The following PCDHGB3 variants were observed in gnomAD, a reference collection of about 807,000 sequenced individuals.
PCDHGB3 encodes the protein protocadherin gamma-B3.
In PCDHGB3, 40 loss-of-function variants were observed where a neutral mutation model predicts 59.2. The ratio of observed to expected loss-of-function variants is 0.68; its 90% confidence interval spans 0.52 to 0.88. The LOEUF is 0.88. PCDHGB3 is among the 40% of genes least tolerant of loss of function. The pLI is 0.00. For missense variants in PCDHGB3, 1,309 were observed against 1,187.9 expected (o/e 1.10, Z -1.50); for synonymous variants, 581 against 503.6 (o/e 1.15, Z -2.06).
intron 1 of PCDHGB3, among the ~76,000 whole-genome samples, chr5:141,397,623 T>A (rs2093546552): frequency 6.6e-6 from 1 of 152,242 alleles, no homozygotes; most frequent in South Asian, 2.1e-4. Context: ...TACTTAGTTC[T>A]AGCTAAGAGT....
chr5:141,494,197 C>T (rs73794924), intron 1 of PCDHGB3, among the ~76,000 whole-genome samples: 1,654 of 152,242 alleles, frequency 0.011, 27 homozygotes, highest in African/African-American at 0.037. Flanking sequence ...CTTGGATGCC[C>T]CGCAAAGGCC....
intron 1 of PCDHGB3, chr5:141,478,323 G>T (rs1234175290): frequency 1.2e-6 from 2 of 1,613,958 alleles, no homozygotes; most frequent in African/African-American, 2.7e-5. Context: ...TCACTGTACC[G>T]AACACCAGGG....
intron 1 of PCDHGB3, chr5:141,393,144 G>T (rs745405842): frequency 1.2e-6 from 2 of 1,613,316 alleles, no homozygotes; most frequent in Non-Finnish European, 1.7e-6. Flanking sequence ...CACCCTGGTT[G>T]AGGATAAAGG....
intron 1 of PCDHGB3, chr5:141,385,365 G>C: frequency 6.5e-7 from 1 of 1,539,374 alleles, no homozygotes; most frequent in Non-Finnish European, 8.7e-7. Flanking sequence ...GAATTTATTT[G>C]CATGATATTT....
intron 1 of PCDHGB3, chr5:141,389,757 C>A: frequency 6.2e-7 from 1 of 1,612,818 alleles, no homozygotes; most frequent in East Asian, 2.2e-5. Context: ...GGGCGAAGTG[C>A]GCACAGCGCG....
intron 1 of PCDHGB3, chr5:141,478,600 C>T (rs762531135): frequency 6.4e-7 from 1 of 1,565,134 alleles, no homozygotes. Context: ...ATTCCTACAT[C>T]ATATTGAGGA....
Position 141,422,468 on chromosome 5 carries a change from A to T in PCDHGB3, c.2415+49659A>T, listed in dbSNP as rs555211298. On this transcript the variant is annotated intron_variant, in intron 1 of 3. Transcript: ENST00000576222. ...ATAACAAGCAGAGTGCTGGACAGGG[A>T]GTTGGTCCAGAGCTACAATATAACG... 59 of 1,613,640 alleles carry T rather than the reference A, an allele frequency of 3.7e-5. No homozygotes were observed. In the South Asian group the frequency reaches 4.7e-4, roughly 13 times the overall value.
chr5:141,476,018 A>G lies in PCDHGB3; in HGVS notation c.2416-18789A>G. 7.3e-7 allele frequency: 1 copy of G among 1,371,412 alleles called. No homozygotes were observed. Among genetic ancestry groups the G allele is most frequent in the African/African-American group, 1.4e-5 (1 of 69,226 alleles). The allele number at this position is 1,371,412 out of a possible 1,614,324, so 85.0% of individuals were successfully genotyped here. A position where few individuals can be genotyped will look rare whatever the true frequency, so the allele number is the denominator to read the frequency against. The stretch of plus-strand genomic sequence containing the variant: ...AACGGCATCCAGAAAGCCATGTCGG[A>G]CTCGGCGCCCAGCGCCCAAGCGCTA... On this transcript the variant is annotated intron_variant, in intron 1 of 3. Coordinates refer to ENST00000576222, the MANE Select transcript of PCDHGB3 (RefSeq NM_018924.5). This position sits in a 1 kb window ranked among gnomAD's most constrained non-coding sequence, Gnocchi z 7.6.
chr5:141,419,999 C>T (rs369649545), intron 1 of PCDHGB3: 4 of 1,613,960 alleles, frequency 2.5e-6, no homozygotes, highest in Non-Finnish European at 3.4e-6. Flanking sequence ...TATTGCTCTA[C>T]GCCTGCGACA....
chr5:141,399,078 G>C (rs2093750242), intron 1 of PCDHGB3: 1 of 1,613,746 alleles, frequency 6.2e-7, no homozygotes, highest in African/African-American at 1.3e-5. Context: ...TTGTAGAAGG[G>C]AGGGATGGTG....
At position 141,423,756 on chromosome 5, in the gene PCDHGB3, G is replaced by GGA. The variant is rs1554116833; in HGVS notation, c.2415+50948_2415+50949insAG. 3 of 448,454 alleles carry GGA rather than the reference G, an allele frequency of 6.7e-6. No individual in the cohort carries two copies. In the African/African-American group the frequency reaches 8.4e-5, roughly 13 times the overall value. The allele number at this position is 448,454 out of a possible 1,614,324, so 27.8% of individuals were successfully genotyped here. A position where few individuals can be genotyped will look rare whatever the true frequency, so the allele number is the denominator to read the frequency against. ...GCCTGTTATGAAAACTGTTTGGGGG[G>GGA]GGGGTGGGGCGGCATATATTTAGTT... On this transcript the variant is annotated intron_variant, in intron 1 of 3. Coordinates refer to ENST00000576222, the MANE Select transcript of PCDHGB3 (RefSeq NM_018924.5).
At chr5:141,433,397 A>G (rs189987785) in intron 1 of PCDHGB3, among the ~76,000 whole-genome samples, 270 of 150,524 alleles carry the variant, frequency 1.8e-3, no homozygotes, top group Non-Finnish European at 3.1e-3. Context: ...CTATCTATCT[A>G]TCTATCTATT....
chr5:141,489,150 TAA>T lies in PCDHGB3; in HGVS notation c.2416-5656_2416-5655del. 1.2e-6 allele frequency: 1 copy of T among 862,654 alleles called. No homozygotes were observed. Among genetic ancestry groups the T allele is most frequent in the Non-Finnish European group, 1.7e-6 (1 of 575,074 alleles). The allele number at this position is 862,654 out of a possible 1,614,324, so 53.4% of individuals were successfully genotyped here. On this transcript the variant is annotated intron_variant, in intron 1 of 3. Coordinates refer to ENST00000576222, the MANE Select transcript of PCDHGB3 (RefSeq NM_018924.5). This position sits in a 1 kb window ranked among gnomAD's most constrained non-coding sequence, Gnocchi z 4.5. ...GTTTTTAAGAGGCTGGAAGGAGACA[TAA>T]GAGACTTCAGCTGCTGCATTCCAAG... is the stretch of plus-strand genomic sequence containing the variant.
rs575694126 is a variant in PCDHGB3 at position 141,399,993 on chromosome 5, G to A, written c.2415+27184G>A. 3.1e-5 allele frequency: 50 copies of A among 1,612,336 alleles called. 1 individual carries two copies. Among genetic ancestry groups the A allele is most frequent in the Middle Eastern group, 1.8e-4 (1 of 5,462 alleles). On this transcript the variant is annotated intron_variant, in intron 1 of 3. Transcript: ENST00000576222. ...GCCTGGGGCTGCGCACAGGAGAGGT[G>A]CGCACAGCGCGTGCCTTGGGCGACA...
In PCDHGB3 at chr5:141,476,933, GA is replaced by G; in HGVS notation, c.2416-17872del. 1 of 1,614,176 alleles carries G rather than the reference GA, an allele frequency of 6.2e-7. No individual in the cohort carries two copies. Reference sequence around the variant, plus strand: ...ACAAGTCCTTGCAACGGATCTGGATGAAGGCCCCAACGGTGAAATTATTTAC... The same window carrying G: ...ACAAGTCCTTGCAACGGATCTGGATGAGGCCCCAACGGTGAAATTATTTAC... On this transcript the variant is annotated intron_variant, in intron 1 of 3. Transcript: ENST00000576222. This position sits in a 1 kb window ranked among gnomAD's most constrained non-coding sequence, Gnocchi z 7.6.
At chr5:141,379,827 G>A (rs1217798060) in intron 1 of PCDHGB3, among the ~76,000 whole-genome samples, 3 of 142,646 alleles carry the variant, frequency 2.1e-5, no homozygotes, top group Non-Finnish European at 3.0e-5. Flanking sequence ...GAATTTTGAA[G>A]CATCAGGAAA....
intron 1 of PCDHGB3, among the ~76,000 whole-genome samples, chr5:141,381,588 C>A (rs950260472): frequency 6.6e-6 from 1 of 152,192 alleles, no homozygotes; most frequent in African/African-American, 2.4e-5. Context: ...AATCCATTAT[C>A]CAGTTTCTTA....
chr5:141,418,360 G>A (rs544948410), intron 1 of PCDHGB3: 3 of 1,613,990 alleles, frequency 1.9e-6, no homozygotes, highest in Non-Finnish European at 2.5e-6. Context: ...TGAATTCGCT[G>A]AGCAAATACC....
Position 141,371,652 on chromosome 5 carries a change from G to A in PCDHGB3, c.1258G>A (p.Val420Met), listed in dbSNP as rs1158442459. ...CCGGGAGCAGATCCCAGAATACAAT[G>A]TGACGATCACAGCTACCGACAAAGG... ...LDREQIPEYN[V>M]TITATDKGNP... The change falls in exon 1 of 4, where the codon GTG becomes ATG. Residue 420 changes from valine to methionine, a missense_variant. Transcript: ENST00000576222. 6.2e-7 allele frequency: 1 copy of A among 1,614,048 alleles called. No individual in the cohort carries two copies. The highest frequency in any genetic ancestry group is 2.2e-5 in the East Asian group (1 of 44,882).
Sources: gnomAD v4.1 joint callset for allele counts (sites outside exome capture counted in the v4.1 genomes callset) on GRCh38, gnomAD v4.1.1 for gene constraint, Gnocchi (gnomAD v3.1) non-coding constraint, MANE v1.5 for transcripts, NCBI Gene and HGNC (gene_info 2026-07-23, HGNC 2026-07-21) for gene names.